The following STARD13 variants were observed in gnomAD, a reference collection of about 807,000 sequenced individuals.
STARD13 encodes StAR related lipid transfer domain containing 13.
Under a neutral mutation model 106.4 loss-of-function variants are expected in STARD13, and 62 were observed. That is an observed-to-expected ratio of 0.58 (90% CI 0.48 to 0.72). The LOEUF is 0.72. STARD13 is among the 30% of genes least tolerant of loss of function. The pLI, the probability that STARD13 is intolerant of heterozygous loss-of-function variation, is 0.00. For synonymous variants in STARD13, 565 were observed against 553.0 expected (o/e 1.02, Z -0.31); for missense variants, 1,387 against 1,424.0 (o/e 0.97, Z 0.42).
the STARD13 span, among the ~76,000 whole-genome samples, chr13:33,666,349 G>A: frequency 3.7e-4 from 56 of 152,074 alleles, no homozygotes; most frequent in Non-Finnish European, 7.5e-4. Flanking sequence ...GCTGGAGTGC[G>A]GTGGCACGAT....
the STARD13 span, among the ~76,000 whole-genome samples, chr13:33,400,921 G>A: frequency 6.6e-6 from 1 of 152,222 alleles, no homozygotes; most frequent in African/African-American, 2.4e-5. Context: ...AAAGATTAAC[G>A]TGGAATGTCA....
chr13:33,392,321 T>C, the STARD13 span, among the ~76,000 whole-genome samples: 1 of 152,198 alleles, frequency 6.6e-6, no homozygotes, highest in Non-Finnish European at 1.5e-5. Flanking sequence ...GACACTCATA[T>C]TGCCTTTGGA....
At chr13:33,648,783 C>CTTTTTTTTTTTTTTTTTTTTTTTTT in the STARD13 span, among the ~76,000 whole-genome samples, 2 of 77,010 alleles carry the variant, frequency 2.6e-5, no homozygotes, top group African/African-American at 1.2e-4. Flanking sequence ...TTTTCTCTTT[C>CTTTTTTTTTTTTTTTTTTTTTTTTT]TTTTTTTTTT....
chr13:33,221,118 G>T (rs1054040170), intron 1 of STARD13, among the ~76,000 whole-genome samples: 6 of 152,064 alleles, frequency 3.9e-5, no homozygotes, highest in Admixed American at 1.3e-4. Flanking sequence ...AACAAAAATT[G>T]TACCATGTTA....
the STARD13 span, among the ~76,000 whole-genome samples, chr13:33,408,062 C>T: frequency 2.0e-4 from 30 of 152,270 alleles, no homozygotes; most frequent in African/African-American, 7.2e-4. Context: ...TCAGAGCAGG[C>T]ATTCTCTACC....
intron 1 of STARD13, 105 bp downstream of exon 1, chr13:33,285,365 A>G (rs1173557142): frequency 5.7e-5 from 70 of 1,234,140 alleles, no homozygotes; most frequent in Non-Finnish European, 7.3e-5. Context: ...ATAGAAATCC[A>G]TATGTTATAA....
chr13:33,646,473 C>A, the STARD13 span, among the ~76,000 whole-genome samples: 23 of 152,154 alleles, frequency 1.5e-4, no homozygotes, highest in Admixed American at 1.4e-3. Context: ...TCTGCGAATT[C>A]CCACACATCA....
rs142351638 is a variant in STARD13 at position 33,129,344 on chromosome 13, G to A, written c.1333C>T (p.Arg445Trp). The A allele has an allele frequency of 2.7e-5, 43 of 1,614,134 alleles. No individual in the cohort carries two copies. The highest frequency in any genetic ancestry group is 1.8e-4 in the East Asian group (8 of 44,862). Residue 445 changes from arginine (R) to tryptophan (W), a missense_variant, in exon 5 of 14, where the codon CGG becomes TGG. Physicochemically the swap from Arg to Trp is moderately radical, Grantham distance 101. Transcript: ENST00000336934. ...REQVPGAREPRLMASCHRASR... is the reference protein window; with the variant it reads ...REQVPGAREPWLMASCHRASR... ...GCTCTGTGGCAGGACGCCATGAGCC[G>A]GGGCTCCCTGGCACCAGGGACCTGC...
the STARD13 span, among the ~76,000 whole-genome samples, chr13:33,486,743 C>G: frequency 1.3e-5 from 2 of 152,204 alleles, no homozygotes; most frequent in African/African-American, 2.4e-5. Flanking sequence ...TTCCAAAACA[C>G]AAGCTCTTGC....
chr13:33,350,466 G>C, exon 1 of STARD13: 1 of 1,500,564 alleles, frequency 6.7e-7, no homozygotes, highest in Non-Finnish European at 8.9e-7. Context: ...ACTCCCGCGT[G>C]GCCCGCGACT....
the STARD13 span, among the ~76,000 whole-genome samples, chr13:33,368,787 TCGGAGGA>T: frequency 6.6e-6 from 1 of 152,120 alleles, no homozygotes; most frequent in African/African-American, 2.4e-5. Flanking sequence ...CGAGCAGCAC[TCGGAGGA>T]GCCGGCCCAC....
intron 1 of STARD13, among the ~76,000 whole-genome samples, chr13:33,296,144 G>A (rs1480872153): frequency 6.6e-6 from 1 of 151,666 alleles, no homozygotes; most frequent in Non-Finnish European, 1.5e-5. Flanking sequence ...CACAAGAATC[G>A]CTTGAACCCA....
At chr13:33,344,326 G>A (rs2077995759), downstream of STARD13, among the ~76,000 whole-genome samples, 1 of 152,064 alleles carries the variant, frequency 6.6e-6, no homozygotes, top group South Asian at 2.1e-4. Context: ...AATATAAATA[G>A]CATCTAAACG....
At chr13:33,464,037 A>G in the STARD13 span, among the ~76,000 whole-genome samples, 69 of 141,026 alleles carry the variant, frequency 4.9e-4, 1 homozygote, top group African/African-American at 1.7e-3. Context: ...ATATATATAT[A>G]TATATGTATA....
chr13:33,263,921 G>A (rs1035760676), intron 1 of STARD13, among the ~76,000 whole-genome samples: 5 of 152,182 alleles, frequency 3.3e-5, no homozygotes, highest in African/African-American at 9.7e-5. Flanking sequence ...AGACCTTTAT[G>A]GCTATGTTGA....
the STARD13 span, among the ~76,000 whole-genome samples, chr13:33,638,100 G>A: frequency 6.6e-6 from 1 of 152,174 alleles, no homozygotes; most frequent in Non-Finnish European, 1.5e-5. Flanking sequence ...TTTATTCTGA[G>A]CCAAATATGA....
intron 1 of STARD13, among the ~76,000 whole-genome samples, chr13:33,321,278 G>A (rs551766065): frequency 2.6e-5 from 4 of 152,110 alleles, no homozygotes; most frequent in Non-Finnish European, 4.4e-5. Flanking sequence ...GGCCAAGGCC[G>A]GTGGATCACC....
rs1012129804 is a variant in STARD13 at position 33,107,005 on chromosome 13, G to T, written c.3048-71C>A. The T allele has an allele frequency of 1.1e-4, 155 of 1,446,706 alleles. 2 individuals are homozygous for T. Among genetic ancestry groups the T allele is most frequent in the Middle Eastern group, 7.4e-4 (4 of 5,440 alleles). 89.6% of individuals were successfully genotyped at this position (1,446,706 alleles called of 1,614,324 possible). A position where few individuals can be genotyped will look rare whatever the true frequency, so the allele number is the denominator to read the frequency against. Reference sequence around the variant, plus strand: ...AGAAGAACCTGAACACAGAGCTAAGGTTTGTGTTTATATTTTCCTGCCAAC... The same window carrying T: ...AGAAGAACCTGAACACAGAGCTAAGTTTTGTGTTTATATTTTCCTGCCAAC... On this transcript the variant is annotated intron_variant, in intron 12 of 13. Transcript: ENST00000336934.
Position 33,104,719 on chromosome 13 carries a change from T to C in STARD13, c.*874A>G, listed in dbSNP as rs958760411. 2 of 153,542 alleles carry C rather than the reference T, an allele frequency of 1.3e-5. No individual in the cohort carries two copies. The highest frequency in any genetic ancestry group is 6.5e-5 in the Admixed American group (1 of 15,282). The allele number at this position is 153,542 out of a possible 1,614,324, so 9.5% of individuals were successfully genotyped here. A position where few individuals can be genotyped will look rare whatever the true frequency, so the allele number is the denominator to read the frequency against. On this transcript the variant is annotated 3_prime_UTR_variant, in exon 14 of 14. Transcript: ENST00000336934. ...TTTGGCTGTGAAGAAGTAAAGGCTA[T>C]GATATTCATCTTGACTTGGGGTCTG...
Sources: allele counts gnomAD v4.1 joint callset (sites outside exome capture counted in the v4.1 genomes callset), GRCh38; gene constraint gnomAD v4.1.1; transcripts MANE v1.5; gene names NCBI Gene and HGNC (gene_info 2026-07-23, HGNC 2026-07-21).